ZNF623: variants seen among roughly 807,000 people sequenced by gnomAD.
The protein encoded by ZNF623 is zinc finger protein 623.
In ZNF623, 16 loss-of-function variants were observed where a neutral mutation model predicts 24.0. The ratio of observed to expected loss-of-function variants is 0.67; its 90% CI spans 0.45 to 1.01. The LOEUF (loss-of-function observed/expected upper bound fraction) is 1.01, where lower values mean the gene tolerates loss of function less well. Ranked by LOEUF, ZNF623 falls within the 50% of genes least tolerant of loss-of-function variation. The pLI is 0.00. For synonymous variants in ZNF623, 224 were observed against 219.8 expected (o/e 1.02, Z -0.17); for missense variants, 566 against 606.5 (o/e 0.93, Z 0.70).
rs1815348676 is a variant in ZNF623 at position 143,652,338 on chromosome 8, C to T, written c.*855C>T. On this transcript the variant is annotated 3_prime_UTR_variant, in exon 2 of 2. Transcript: ENST00000526926. ...CATATCTGATTGATTTCCATGTGTC[C>T]ACTGTCTAGCACAGGGCAATAAAAA... 6.0e-6 allele frequency: 1 copy of T among 167,056 alleles called. No individual in the cohort carries two copies. The highest frequency in any genetic ancestry group is 1.5e-5 in the Non-Finnish European group (1 of 68,128). The allele number at this position is 167,056 out of a possible 1,614,324, so 10.3% of individuals were successfully genotyped here.
chr8:143,648,580 T>A (rs1815224060), intron 1 of ZNF623, among the ~76,000 whole-genome samples: 1 of 151,962 alleles, frequency 6.6e-6, no homozygotes. Flanking sequence ...CACTTCTTCA[T>A]GCTGAGGGGA....
At chr8:143,644,336 G>A (rs1222825801) in intron 1 of ZNF623, among the ~76,000 whole-genome samples, 1 of 152,086 alleles carries the variant, frequency 6.6e-6, no homozygotes, top group African/African-American at 2.4e-5. Flanking sequence ...GTTTTTAAAC[G>A]AGCAGAACCT....
At chr8:143,638,357 C>G (rs990704691) in intron 1 of ZNF623, among the ~76,000 whole-genome samples, 1 of 114,216 alleles carries the variant, frequency 8.8e-6, no homozygotes, top group African/African-American at 3.3e-5. Context: ...AAAAAAAAAA[C>G]TTTCTCAAAA....
Position 143,639,715 on chromosome 8 carries a change from A to C in ZNF623, c.-96+3570A>C, listed in dbSNP as rs112372200. On this transcript the variant is annotated intron_variant, in intron 1 of 1. Transcript: ENST00000526926. ...TGAATATTTTGAGTTGTATATTAGC[A>C]TTATTTAAGACGTAGGTTAAAGTTG... 9.0e-4 allele frequency among the ~76,000 whole-genome samples: 137 copies of C among 152,318 alleles called. 2 individuals are homozygous for C. The highest frequency in any genetic ancestry group is 3.1e-3 in the African/African-American group (129 of 41,572).
Position 143,653,667 on chromosome 8 carries a change from A to G in ZNF623, c.*2184A>G, listed in dbSNP as rs954567034. ...TTTAGAGCCTCATACAAATGGATTC[A>G]TTTACTATGTGTTCTTTTGCGTCTG... On this transcript the variant is annotated 3_prime_UTR_variant, in exon 2 of 2. Coordinates refer to ENST00000526926, the MANE Select transcript of ZNF623 (RefSeq NM_001261843.2). 6.0e-6 allele frequency: 1 copy of G among 166,996 alleles called. No individual in the cohort carries two copies. Among genetic ancestry groups the G allele is most frequent in the African/African-American group, 2.4e-5 (1 of 41,410 alleles). The allele number at this position is 166,996 out of a possible 1,614,324, so 10.3% of individuals were successfully genotyped here. A position where few individuals can be genotyped will look rare whatever the true frequency, so the allele number is the denominator to read the frequency against.
In ZNF623 at chr8:143,650,535, C is replaced by A. The variant is rs781675127; in HGVS notation, c.543C>A (p.Asp181Glu). ...QCGKAFCHSS[D>E]LIRHQRVHTR... ...GGAAGGCGTTTTGTCACAGTTCAGACCTGATTAGGCACCAGAGAGTTCACA... is the reference window on the plus strand; with the variant it reads ...GGAAGGCGTTTTGTCACAGTTCAGAACTGATTAGGCACCAGAGAGTTCACA... The change falls in exon 2 of 2, where the codon GAC (aspartate) becomes GAA (glutamate). Residue 181 changes from aspartate (D) to glutamate (E), a missense_variant. This residue lies in a region of ZNF623 where 313 missense variants were observed against 300.4 expected (regional missense o/e 1.04). Transcript: ENST00000526926. This position sits in a 1 kb window ranked among gnomAD's most constrained non-coding sequence, Gnocchi z 5.2. 8 of 1,614,112 alleles carry A rather than the reference C, an allele frequency of 5.0e-6. 2 individuals are homozygous for A. In the South Asian group the frequency reaches 7.7e-5, roughly 16 times the overall value.
At chr8:143,648,781 G>T (rs538880242) in intron 1 of ZNF623, among the ~76,000 whole-genome samples, 3 of 152,234 alleles carry the variant, frequency 2.0e-5, no homozygotes, top group Non-Finnish European at 4.4e-5. Context: ...GCTGGCAGGA[G>T]ACGTGGGAGG....
In ZNF623 at chr8:143,650,757, A is replaced by T; in HGVS notation, c.765A>T (p.Glu255Asp). The change falls in exon 2 of 2, where the codon GAA (glutamate) becomes GAT (aspartate). Residue 255 changes from glutamate to aspartate, a missense_variant. Around this residue, in one of 3 missense-constraint regions of ZNF623, gnomAD observed 117 missense variants for 174.2 expected, o/e 0.67. Transcript: ENST00000526926. This position sits in a 1 kb window ranked among gnomAD's most constrained non-coding sequence, Gnocchi z 5.2. ...HTEVKQYECKECGKAFRHRSD... is the reference protein window; with the variant it reads ...HTEVKQYECKDCGKAFRHRSD... ...AAGTGAAACAGTATGAATGCAAAGA[A>T]TGTGGGAAGGCATTCCGTCATCGCT... 6.2e-7 allele frequency: 1 copy of T among 1,613,692 alleles called. No homozygotes were observed. The highest frequency in any genetic ancestry group is 1.7e-4 in the Middle Eastern group (1 of 6,060).
Position 143,649,926 on chromosome 8 carries a change from G to A in ZNF623, c.-67G>A. ...CTAATGTAGGAACTGGTGAGAAGAA[G>A]GTGACTGAAGCCTGGATTTCTGAGG... On this transcript the variant is annotated 5_prime_UTR_variant, in exon 2 of 2. Coordinates refer to ENST00000526926, the MANE Select transcript of ZNF623 (RefSeq NM_001261843.2). 6.2e-7 allele frequency: 1 copy of A among 1,613,258 alleles called. No homozygotes were observed. Among genetic ancestry groups the A allele is most frequent in the Non-Finnish European group, 8.5e-7 (1 of 1,179,302 alleles).
chr8:143,651,656 C>A lies in ZNF623; in HGVS notation c.*173C>A. ...TACTCGGCTCAGCCCTTCTCCTCAG[C>A]TGTGAGCACTGTCCTCAGGAGAGTC... On this transcript the variant is annotated 3_prime_UTR_variant, in exon 2 of 2. Transcript: ENST00000526926. 1 of 678,650 alleles carries A rather than the reference C, an allele frequency of 1.5e-6. No homozygotes were observed. The highest frequency in any genetic ancestry group is 2.5e-6 in the Non-Finnish European group (1 of 402,560). The allele number at this position is 678,650 out of a possible 1,614,324, so 42.0% of individuals were successfully genotyped here. A position where few individuals can be genotyped will look rare whatever the true frequency, so the allele number is the denominator to read the frequency against.
chr8:143,640,157 A>C (rs189140863), intron 1 of ZNF623, among the ~76,000 whole-genome samples: 1 of 152,254 alleles, frequency 6.6e-6, no homozygotes, highest in African/African-American at 2.4e-5. Context: ...TTAGCTTCCC[A>C]GTGTATATAA....
At chr8:143,647,269 T>A (rs6558381) in intron 1 of ZNF623, among the ~76,000 whole-genome samples, 1 of 152,058 alleles carries the variant, frequency 6.6e-6, no homozygotes, top group Non-Finnish European at 1.5e-5. Context: ...CAGGCCATTC[T>A]CCTGCTTCAG....
At position 143,650,165 on chromosome 8, in the gene ZNF623, C is replaced by G; in HGVS notation, c.173C>G (p.Thr58Ser). The change falls in exon 2 of 2, where the codon ACC becomes AGC. Residue 58 changes from threonine (T) to serine (S), a missense_variant. Physicochemically the swap from Thr to Ser is moderately conservative, Grantham distance 58. This residue lies in a region of ZNF623 where 313 missense variants were observed against 300.4 expected (regional missense o/e 1.04). Coordinates refer to ENST00000526926, the MANE Select transcript of ZNF623 (RefSeq NM_001261843.2). This position sits in a 1 kb window ranked among gnomAD's most constrained non-coding sequence, Gnocchi z 5.2. The stretch of plus-strand genomic sequence containing the variant: ...ACAGGAGAGACAGCTCAAGTGTGCA[C>G]CAAGTCAGGAAGAAACCATATTCTG... Reference protein sequence around the residue: ...IQTGETAQVCTKSGRNHILNS... With the variant: ...IQTGETAQVCSKSGRNHILNS... 1 of 1,614,210 alleles carries G rather than the reference C, an allele frequency of 6.2e-7. No homozygotes were observed.
chr8:143,648,860 G>A (rs911976636), intron 1 of ZNF623, among the ~76,000 whole-genome samples: 1 of 152,088 alleles, frequency 6.6e-6, no homozygotes, highest in African/African-American at 2.4e-5. Flanking sequence ...CCAGTGGGGA[G>A]GGAGGAGGGA....
chr8:143,637,971 T>C (rs936641900), intron 1 of ZNF623, among the ~76,000 whole-genome samples: 6 of 152,198 alleles, frequency 3.9e-5, no homozygotes, highest in Non-Finnish European at 8.8e-5. Flanking sequence ...GTCAGTTTCT[T>C]TAAATGAAAA....
intron 1 of ZNF623, among the ~76,000 whole-genome samples, chr8:143,642,299 A>G (rs1386362643): frequency 2.0e-5 from 3 of 152,132 alleles, no homozygotes; most frequent in Non-Finnish European, 2.9e-5. Context: ...CTCGGCCTTC[A>G]TAGAATTGAG....
At chr8:143,645,255 A>G (rs1554604863) in intron 1 of ZNF623, among the ~76,000 whole-genome samples, 1 of 152,088 alleles carries the variant, frequency 6.6e-6, no homozygotes, top group Non-Finnish European at 1.5e-5. Flanking sequence ...CATCCTGGCT[A>G]ACGGTGAAAC....
intron 1 of ZNF623, among the ~76,000 whole-genome samples, chr8:143,639,088 T>C (rs4873813): frequency 0.91 from 138,120 of 152,078 alleles, 64,096 homozygotes; most frequent in East Asian, 1. Flanking sequence ...GATGGGGTTT[T>C]ACCATGTTGG....
In ZNF623 at chr8:143,650,309, C is replaced by G. The variant is rs746594770; in HGVS notation, c.317C>G (p.Ala106Gly). The G allele has an allele frequency of 6.2e-7, 1 of 1,614,202 alleles. No individual in the cohort carries two copies. The highest frequency in any genetic ancestry group is 1.1e-5 in the South Asian group (1 of 91,088). ...SDLVRHRISH[A>G]GEKPYTCDQC... is the part of the protein sequence containing the mutation. ...CTAGTTAGGCATCGGATTTCGCATG[C>G]TGGGGAGAAACCTTACACGTGCGAT... Residue 106 changes from alanine to glycine, a missense_variant, in exon 2 of 2, where the codon GCT becomes GGT. Physicochemically the swap from Ala to Gly is moderately conservative, Grantham distance 60. Around this residue, in one of 3 missense-constraint regions of ZNF623, gnomAD observed 313 missense variants for 300.4 expected, o/e 1.04. Transcript: ENST00000526926. This position sits in a 1 kb window ranked among gnomAD's most constrained non-coding sequence, Gnocchi z 5.2.
Sources: gnomAD v4.1 joint callset for allele counts (sites outside exome capture counted in the v4.1 genomes callset) on GRCh38, gnomAD v4.1.1 for gene constraint, gnomAD v4.1.1 regional missense constraint, Gnocchi (gnomAD v3.1) non-coding constraint, MANE v1.5 for transcripts, NCBI Gene and HGNC (gene_info 2026-07-23, HGNC 2026-07-21) for gene names.